The following F8 variants were observed in gnomAD, a reference collection of about 807,000 sequenced individuals.
F8 encodes the protein antihemophilic factor.
In F8, 12 loss-of-function variants were observed where a neutral mutation model predicts 140.6. The observed-to-expected ratio is 0.09, with a 90% CI of 0.05 to 0.14. F8 has a LOEUF of 0.14. F8 is among the 10% of genes least tolerant of loss of function. F8 has a pLI of 1.00. For synonymous variants in F8, 585 were observed against 614.6 expected (o/e 0.95, Z 0.71); for missense variants, 1,354 against 1,720.7 (o/e 0.79, Z 3.77).
chrX:154,934,130 A>G (rs1174068190), intron 13 of F8, among the ~76,000 whole-genome samples: 1 of 111,837 alleles, frequency 8.9e-6, no homozygotes, highest in African/African-American at 3.2e-5. Context: ...AAATAATTAA[A>G]GACAGAGTAC....
Position 154,929,823 on chromosome X carries a change from G to C in F8, c.3967C>G (p.Gln1323Glu). ...TTACTACGTTGCGTGACAAAATTCT[G>C]CTGGCTTGTATTAGGAGATATCCTT... The part of the protein sequence containing the change: ...TTRISPNTSQ[Q>E]NFVTQRSKRA... Residue 1323 changes from glutamine to glutamate, a missense_variant, in exon 14 of 26, where the codon CAG (glutamine) becomes GAG (glutamate). By Grantham distance (29) the Gln-to-Glu change is conservative (BLOSUM62 2). Transcript: ENST00000360256. The C allele has an allele frequency of 8.3e-7, 1 of 1,211,736 alleles. No homozygotes were observed. Among genetic ancestry groups the C allele is most frequent in the Non-Finnish European group, 1.1e-6 (1 of 895,417 alleles).
chrX:155,018,925 A>G (rs2073747496), intron 1 of F8, among the ~76,000 whole-genome samples: 1 of 112,440 alleles, frequency 8.9e-6, no homozygotes, highest in Non-Finnish European at 1.9e-5. Flanking sequence ...GTACTCATCA[A>G]TTCATTTGAT....
intron 15 of F8, 89 bp from the exon 16 acceptor site, chrX:154,905,112 C>A (rs868976406): frequency 1.4e-6 from 1 of 731,265 alleles, no homozygotes; most frequent in Middle Eastern, 4.4e-4. Context: ...AAAAGAAATA[C>A]CTGTCTTTTG....
chrX:155,013,132 C>T (rs2073716754), intron 1 of F8, among the ~76,000 whole-genome samples: 1 of 79,636 alleles, frequency 1.3e-5, no homozygotes, highest in Non-Finnish European at 2.2e-5. Context: ...GGTGACAGAG[C>T]GAGACTCCGT....
intron 1 of F8, among the ~76,000 whole-genome samples, chrX:155,020,779 G>A (rs1405099013): frequency 8.9e-6 from 1 of 111,994 alleles, no homozygotes; most frequent in East Asian, 2.8e-4. Flanking sequence ...CACAATGAAA[G>A]TAATGATGCA....
At chrX:154,899,613 C>T (rs782111732) in intron 21 of F8, among the ~76,000 whole-genome samples, 29 of 111,075 alleles carry the variant, frequency 2.6e-4, no homozygotes, top group South Asian at 2.3e-3. Flanking sequence ...TGAGAGATGA[C>T]GAGTTCAATA....
Position 154,994,205 on chromosome X carries a change from T to C in F8, c.389-1057A>G, listed in dbSNP as rs191331964. 7.1e-5 allele frequency among the ~76,000 whole-genome samples: 8 copies of C among 112,494 alleles called. No individual in the cohort carries two copies. In the East Asian group the frequency reaches 2.2e-3, roughly 31 times the overall value. ...GATGTTAGAAAATTATTCTTAGAAT[T>C]GCACTGCTACTTTCACTTTTTTCTT... On this transcript the variant is annotated intron_variant, in intron 3 of 25. Coordinates refer to ENST00000360256, the MANE Select transcript of F8 (RefSeq NM_000132.4).
intron 25 of F8, among the ~76,000 whole-genome samples, chrX:154,848,779 G>C (rs188375209): frequency 0.068 from 7,478 of 110,428 alleles, 617 homozygotes; most frequent in African/African-American, 0.24. Context: ...TGCTCGGTGG[G>C]CTGCACCCAC....
intron 7 of F8, among the ~76,000 whole-genome samples, chrX:154,967,258 T>C (rs1557282129): frequency 9.0e-6 from 1 of 111,278 alleles, no homozygotes; most frequent in African/African-American, 3.3e-5. Flanking sequence ...TTAAGACATG[T>C]TCCAAGTTCA....
chrX:155,020,987 G>A (rs2073757521), intron 1 of F8, among the ~76,000 whole-genome samples: 1 of 111,883 alleles, frequency 8.9e-6, no homozygotes, highest in Non-Finnish European at 1.9e-5. Flanking sequence ...TTGTTCAACA[G>A]AAGTAAAAGC....
intron 15 of F8, among the ~76,000 whole-genome samples, chrX:154,906,086 T>C (rs1308532673): frequency 1.8e-5 from 2 of 111,851 alleles, no homozygotes; most frequent in Non-Finnish European, 3.8e-5. Flanking sequence ...TAAAAGCTTG[T>C]TCAAAATAAA....
At chrX:154,921,472 A>G (rs1467542034) in intron 14 of F8, among the ~76,000 whole-genome samples, 10 of 112,018 alleles carry the variant, frequency 8.9e-5, no homozygotes, top group East Asian at 2.8e-4. Flanking sequence ...TCAGTGTGGC[A>G]ATTCCTCAGG....
intron 22 of F8, among the ~76,000 whole-genome samples, chrX:154,866,222 C>A (rs1337336134): frequency 4.5e-5 from 5 of 111,445 alleles, no homozygotes; most frequent in Non-Finnish European, 9.4e-5. Context: ...TATATGTACC[C>A]AACACGAAAG....
intron 4 of F8, among the ~76,000 whole-genome samples, chrX:154,991,054 T>A (rs2124138569): frequency 8.9e-6 from 1 of 112,290 alleles, no homozygotes; most frequent in South Asian, 3.7e-4. Context: ...ATGTCTTAGA[T>A]CTGTAGCTGT....
At chrX:154,901,494 T>C in intron 19 of F8, 52 bp from the exon 20 acceptor site, 2 of 827,115 alleles carry the variant, frequency 2.4e-6, no homozygotes, top group Non-Finnish European at 3.7e-6. Context: ...AAATTCAGCT[T>C]CTCAAATGTA....
At chrX:154,873,213 A>C (rs2072787969) in intron 22 of F8, among the ~76,000 whole-genome samples, 2 of 109,819 alleles carry the variant, frequency 1.8e-5, no homozygotes, top group African/African-American at 6.6e-5. Context: ...AAAGACCCCA[A>C]GGAGGCAAAG....
At chrX:154,932,263 A>C (rs1392957931) in intron 13 of F8, among the ~76,000 whole-genome samples, 2 of 112,485 alleles carry the variant, frequency 1.8e-5, no homozygotes, top group African/African-American at 6.5e-5. Context: ...CACTTGCAGA[A>C]TATGTAAGCA....
intron 3 of F8, among the ~76,000 whole-genome samples, chrX:154,994,041 A>G (rs1451902534): frequency 8.9e-6 from 1 of 112,620 alleles, no homozygotes; most frequent in African/African-American, 3.2e-5. Flanking sequence ...AACACAGTGG[A>G]TAAAAAAAGT....
chrX:154,992,962 A>G lies in F8; in HGVS notation c.575T>C (p.Ile192Thr), dbSNP rs1448187077. The G allele has an allele frequency of 1.7e-6, 2 of 1,211,375 alleles. No individual in the cohort carries two copies. The highest frequency in any genetic ancestry group is 2.2e-6 in the Non-Finnish European group (2 of 895,082). The change falls in exon 4 of 26, where the codon ATT becomes ACT. Residue 192 changes from isoleucine (I) to threonine (T), a missense_variant. This residue lies in a region of F8 where 128 missense variants were observed against 230.4 expected (regional missense o/e 0.56). Transcript: ENST00000360256. Reference protein sequence around the residue: ...DLVKDLNSGLIGALLVCREGS... With the variant: ...DLVKDLNSGLTGALLVCREGS... ...TTCTCTACATACTAGTAGGGCTCCA[A>G]TGAGGCCTGAATTCAAGTCTTTTAC...
Sources: gnomAD v4.1 joint callset for allele counts (sites outside exome capture counted in the v4.1 genomes callset) on GRCh38, gnomAD v4.1.1 for gene constraint, gnomAD v4.1.1 regional missense constraint, MANE v1.5 for transcripts, NCBI Gene and HGNC (gene_info 2026-07-23, HGNC 2026-07-21) for gene names.